PCDH7: variants seen among roughly 807,000 people sequenced by gnomAD.
PCDH7 encodes protocadherin 7, also known as protocadherin-7.
A neutral mutation model predicts 58.9 loss-of-function variants in PCDH7; 17 were observed. The observed-to-expected ratio is 0.29, with a 90% CI of 0.20 to 0.43. PCDH7 has a LOEUF of 0.43. PCDH7 is among the 20% of genes least tolerant of loss of function. The pLI, the probability that PCDH7 is intolerant of heterozygous loss-of-function variation, is 1.00. For synonymous variants in PCDH7, 664 were observed against 616.4 expected, an observed-to-expected ratio of 1.08 and a Z score of -1.14; for missense variants, 1,274 against 1,441.0, an observed-to-expected ratio of 0.88 and a Z score of 1.88.
chr4:30,858,840 A>G (rs6448726), intron 1 of PCDH7, among the ~76,000 whole-genome samples: 118,112 of 152,006 alleles, frequency 0.78, 46,705 homozygotes, highest in African/African-American at 0.94. Context: ...CTGTGTGAGA[A>G]TAGTTTCTGA....
intron 1 of PCDH7, among the ~76,000 whole-genome samples, chr4:30,789,853 T>A (rs764890037): frequency 6.6e-6 from 1 of 152,198 alleles, no homozygotes; most frequent in Admixed American, 6.5e-5. Flanking sequence ...ATCTCTCTTA[T>A]GTCCCCCTGT....
At chr4:30,894,479 AAAAAAAAAAAAATATATAT>A (rs1180443255) in intron 1 of PCDH7, among the ~76,000 whole-genome samples, 36 of 61,922 alleles carry the variant, frequency 5.8e-4, no homozygotes, top group Non-Finnish European at 4.5e-4. Flanking sequence ...AAAAAAAAAA[AAAAAAAAAAAAATATATAT>A]ATATATATAT....
intron 1 of PCDH7, among the ~76,000 whole-genome samples, chr4:30,895,475 A>AT (rs1335843534): frequency 6.6e-6 from 1 of 152,056 alleles, no homozygotes; most frequent in Non-Finnish European, 1.5e-5. Context: ...ACAAAACGGG[A>AT]TTTTATAATT....
At chr4:30,947,984 A>T (rs4692493) in intron 2 of PCDH7, among the ~76,000 whole-genome samples, 92,349 of 151,830 alleles carry the variant, frequency 0.61, 29,296 homozygotes, top group African/African-American at 0.81. Flanking sequence ...CTGGTTTATT[A>T]GACGCTTTAA....
chr4:31,085,849 CTCTCT>C (rs1243304914), intron 3 of PCDH7, among the ~76,000 whole-genome samples: 3 of 141,846 alleles, frequency 2.1e-5, no homozygotes, highest in Non-Finnish European at 4.5e-5. Context: ...CTCTCTCTCT[CTCTCT>C]TTTTTTTTTT....
chr4:31,073,943 G>T (rs1560623190), intron 3 of PCDH7, among the ~76,000 whole-genome samples: 1 of 151,824 alleles, frequency 6.6e-6, no homozygotes, highest in East Asian at 1.9e-4. Flanking sequence ...TCTCTCCTGG[G>T]CTTTGTATAT....
intron 2 of PCDH7, among the ~76,000 whole-genome samples, chr4:30,946,452 G>A (rs77125609): frequency 4.0e-5 from 6 of 151,762 alleles, no homozygotes; most frequent in South Asian, 2.1e-4. Flanking sequence ...AACAAACTTC[G>A]CTGACTCTCC....
At chr4:30,796,244 T>C (rs1407335238) in intron 1 of PCDH7, among the ~76,000 whole-genome samples, 4 of 152,218 alleles carry the variant, frequency 2.6e-5, no homozygotes, top group Admixed American at 6.5e-5. Context: ...TTCAAAGATA[T>C]ATTACAGTTG....
intron 1 of PCDH7, among the ~76,000 whole-genome samples, chr4:30,846,208 A>G (rs1360320678): frequency 6.6e-6 from 1 of 152,110 alleles, no homozygotes; most frequent in African/African-American, 2.4e-5. Flanking sequence ...TGTGTCCCCA[A>G]AGTTCAATGC....
chr4:30,924,464 G>A (rs1054542864), intron 2 of PCDH7, among the ~76,000 whole-genome samples: 2 of 152,206 alleles, frequency 1.3e-5, no homozygotes, highest in Non-Finnish European at 2.9e-5. Context: ...ATTTGACAAT[G>A]TATGTTAATG....
At chr4:30,728,294 TATAG>T (rs141736823) in intron 1 of PCDH7, among the ~76,000 whole-genome samples, 42,286 of 126,798 alleles carry the variant, frequency 0.33, 5,723 homozygotes, top group Admixed American at 0.35. Flanking sequence ...TATATATATA[TATAG>T]AGAGAGAGAG....
chr4:30,848,908 C>T (rs1732347934), intron 1 of PCDH7, among the ~76,000 whole-genome samples: 1 of 152,052 alleles, frequency 6.6e-6, no homozygotes, highest in African/African-American at 2.4e-5. Flanking sequence ...TTCCTCAAGA[C>T]CTATTCTTAT....
Position 30,844,112 on chromosome 4 carries a change from C to T in PCDH7, c.71-76041C>T, listed in dbSNP as rs554907274. Among the ~76,000 whole-genome samples, 8 of 152,160 alleles carry T rather than the reference C, an allele frequency of 5.3e-5. No individual in the cohort carries two copies. In the East Asian group the frequency reaches 1.6e-3, roughly 29 times the overall value. Reference sequence around the variant, plus strand: ...AGATTATTTACATAAGTGGCTTATTCTGAGGTTATTGCTACCTGCTACCTG... The same window carrying T: ...AGATTATTTACATAAGTGGCTTATTTTGAGGTTATTGCTACCTGCTACCTG... On this transcript the variant is annotated intron_variant, in intron 1 of 3. Coordinates refer to the PCDH7 transcript ENST00000509759.
intron 3 of PCDH7, among the ~76,000 whole-genome samples, chr4:31,037,003 T>C (rs923510456): frequency 2.0e-5 from 3 of 151,996 alleles, no homozygotes; most frequent in African/African-American, 7.3e-5. Flanking sequence ...ACCCCCCTGA[T>C]TCAATTACCT....
At chr4:31,109,388 C>T (rs1165402912) in intron 3 of PCDH7, among the ~76,000 whole-genome samples, 1 of 152,144 alleles carries the variant, frequency 6.6e-6, no homozygotes, top group African/African-American at 2.4e-5. Context: ...TAGCTTCAAC[C>T]TTTTCCCATG....
At chr4:30,770,802 G>T (rs1721302818) in intron 1 of PCDH7, among the ~76,000 whole-genome samples, 2 of 151,988 alleles carry the variant, frequency 1.3e-5, no homozygotes, top group African/African-American at 4.8e-5. Context: ...AGTTACACAA[G>T]AACCACATTT....
chr4:30,774,767 A>G (rs1184202767), intron 1 of PCDH7, among the ~76,000 whole-genome samples: 1 of 152,212 alleles, frequency 6.6e-6, no homozygotes, highest in African/African-American at 2.4e-5. Context: ...TATAGTATAG[A>G]ACTCAGAGGC....
chr4:30,792,392 A>G (rs1178802721), intron 1 of PCDH7, among the ~76,000 whole-genome samples: 1 of 38,056 alleles, frequency 2.6e-5, no homozygotes, highest in Admixed American at 2.2e-4. Context: ...ACTGAACATC[A>G]GAAAAAAACA....
At chr4:31,016,747 C>T (rs959844534) in intron 3 of PCDH7, among the ~76,000 whole-genome samples, 2 of 151,942 alleles carry the variant, frequency 1.3e-5, no homozygotes, top group African/African-American at 4.8e-5. Flanking sequence ...TGTCTCAATA[C>T]AGTGTCTCAA....
Sources: allele counts gnomAD v4.1 joint callset (sites outside exome capture counted in the v4.1 genomes callset), GRCh38; gene constraint gnomAD v4.1.1; transcripts MANE v1.5; gene names NCBI Gene and HGNC (gene_info 2026-07-23, HGNC 2026-07-21).